NBPF15: variants seen among roughly 807,000 people sequenced by gnomAD.
The protein encoded by NBPF15 is NBPF family member NBPF15.
A neutral mutation model predicts 62.2 loss-of-function variants in NBPF15; 74 were observed. That is an observed-to-expected ratio of 1.19 (90% CI 0.99 to 1.44). The LOEUF is 1.44. NBPF15 is among the 40% of genes most tolerant of loss of function. The pLI, the probability that NBPF15 is intolerant of heterozygous loss-of-function variation, is 0.00. For missense variants in NBPF15, 790 were observed against 550.0 expected, an observed-to-expected ratio of 1.44 and a Z score of -4.36; for synonymous variants, 244 against 209.7, an observed-to-expected ratio of 1.16 and a Z score of -1.41.
intron 1 of NBPF15, 85 bp from the exon 2 acceptor site, chr1:144,461,046 C>G (rs1553548329): frequency 6.6e-6 from 1 of 150,776 alleles, no homozygotes; most frequent in African/African-American, 2.4e-5. Context: ...TCTCGCTTCT[C>G]AGGTCCCCAG....
chr1:144,445,722 T>C (rs1186590323), intron 6 of NBPF15, among the ~76,000 whole-genome samples: 9 of 151,604 alleles, frequency 5.9e-5, no homozygotes, highest in African/African-American at 2.2e-4. Flanking sequence ...AGAACTGACT[T>C]TTTAAACATA....
Position 144,439,931 on chromosome 1 carries a change from G to T in NBPF15, c.73C>A (p.Arg25Ser). 1.2e-6 allele frequency: 2 copies of T among 1,611,200 alleles called. No homozygotes were observed. The highest frequency in any genetic ancestry group is 1.1e-5 in the South Asian group (1 of 90,946). The change falls in exon 8 of 22, where the codon CGC becomes AGC. Residue 25 changes from arginine (R) to serine (S), a missense_variant. Coordinates refer to ENST00000581897, the MANE Select transcript of NBPF15 (RefSeq NM_001385408.1). ...TGTTTCTTCTCTGCCAACTGGGGGC[G>T]CAATTTCTCATTGATTTCTAGAATG... ...MNILEINEKLRPQLAEKKQQF... is the reference protein window; with the variant it reads ...MNILEINEKLSPQLAEKKQQF...
chr1:144,426,300 A>C lies in NBPF15; in HGVS notation c.1416T>G (p.Leu472=). 1.6e-6 allele frequency: 1 copy of C among 635,002 alleles called. No individual in the cohort carries two copies. Among genetic ancestry groups the C allele is most frequent in the Non-Finnish European group, 2.8e-6 (1 of 358,012 alleles). 39.3% of individuals were successfully genotyped at this position (635,002 alleles called of 1,614,324 possible). Residue 472 remains leucine (L), a synonymous_variant, in exon 18 of 22, where the codon CTT becomes CTG. Transcript: ENST00000581897. ...SAVYSLEEQY[L]GLALDVDRIK... is the part of the protein sequence containing the mutation. ...CACTGTCCACGTCAAGAGCCAAGCC[A>C]AGGTACTGTTCCTCCAATGAGTAAA...
chr1:144,459,763 C>T (rs1344121648), intron 2 of NBPF15, among the ~76,000 whole-genome samples: 11 of 151,662 alleles, frequency 7.3e-5, no homozygotes, highest in African/African-American at 2.4e-4. Flanking sequence ...AAAATGAAAT[C>T]ACACTGATAC....
chr1:144,448,124 C>A (rs1195236701), intron 6 of NBPF15, among the ~76,000 whole-genome samples: 1 of 152,042 alleles, frequency 6.6e-6, no homozygotes, highest in Non-Finnish European at 1.5e-5. Context: ...AAATTCTTCA[C>A]CACAACAATC....
At chr1:144,455,179 G>A (rs587662609) in intron 4 of NBPF15, among the ~76,000 whole-genome samples, 1 of 147,364 alleles carries the variant, frequency 6.8e-6, no homozygotes, top group East Asian at 2.0e-4. Context: ...GAGAGAGGAA[G>A]GGAGGAAGAA....
chr1:144,445,527 C>G (rs1478458997), intron 6 of NBPF15, among the ~76,000 whole-genome samples: 1 of 148,432 alleles, frequency 6.7e-6, no homozygotes. Context: ...ATTTTCATAG[C>G]TGTAGAGTAA....
At position 144,427,840 on chromosome 1, in the gene NBPF15, A is replaced by G; in HGVS notation, c.1191T>C (p.Val397=). ...CACCATCCATGTCAATAGCCAAGCC[A>G]ACACGCTGTTGCTCCAATACGTAAA... ...SAFYVLEQQR[V]GLAIDMDEIE... Residue 397 remains valine (V), a synonymous_variant, in exon 16 of 22, where the codon GTT becomes GTC. Coordinates refer to ENST00000581897, the MANE Select transcript of NBPF15 (RefSeq NM_001385408.1). 1 of 738,064 alleles carries G rather than the reference A, an allele frequency of 1.4e-6. No homozygotes were observed. The highest frequency in any genetic ancestry group is 2.5e-6 in the Non-Finnish European group (1 of 404,186). The allele number at this position is 738,064 out of a possible 1,614,324, so 45.7% of individuals were successfully genotyped here. A position where few individuals can be genotyped will look rare whatever the true frequency, so the allele number is the denominator to read the frequency against.
At chr1:144,426,711 G>C (rs1251280084) in intron 17 of NBPF15, among the ~76,000 whole-genome samples, 13 of 151,604 alleles carry the variant, frequency 8.6e-5, no homozygotes, top group Admixed American at 8.5e-4. Context: ...CTGATGAAGG[G>C]GTCAAAGGAC....
intron 15 of NBPF15, 80 bp from the exon 16 acceptor site, chr1:144,428,070 A>C (rs1180921671): frequency 1.3e-6 from 1 of 779,540 alleles, no homozygotes; most frequent in Non-Finnish European, 2.4e-6. Flanking sequence ...CATGGCTAAC[A>C]TAAGGAAGAG....
Position 144,439,862 on chromosome 1 carries a change from C to A in NBPF15, c.142G>T (p.Ala48Ser), listed in dbSNP as rs1441876280. 4.3e-6 allele frequency: 7 copies of A among 1,609,342 alleles called. No homozygotes were observed. The highest frequency in any genetic ancestry group is 1.7e-5 in the Admixed American group (1 of 59,884). The change falls in exon 8 of 22, where the codon GCC becomes TCC. Residue 48 changes from alanine (A) to serine (S), a missense_variant. Ala to Ser is a moderately conservative substitution (Grantham distance 99, BLOSUM62 1). Transcript: ENST00000581897. ...TTCTGTCGGTTGGCCAGGAAGCCGG[C>A]CAGTTGAGTTAGAAAACATTTCTCT... ...LKEKCFLTQL[A>S]GFLANRQKKY...
chr1:144,440,089 A>T, intron 7 of NBPF15, 51 bp from the exon 8 acceptor site: 2 of 1,578,420 alleles, frequency 1.3e-6, no homozygotes, highest in Non-Finnish European at 1.7e-6. Flanking sequence ...GGTGAAATCA[A>T]ATAGGTTTAA....
At chr1:144,431,604 T>C (rs1401317221) in intron 13 of NBPF15, among the ~76,000 whole-genome samples, 3 of 138,040 alleles carry the variant, frequency 2.2e-5, no homozygotes, top group African/African-American at 5.5e-5. Flanking sequence ...AACTCATCAT[T>C]TAACATTAGG....
In NBPF15 at chr1:144,458,334, C is replaced by T. The variant is rs587676263; in HGVS notation, c.-701+1032G>A. Reference sequence around the variant, plus strand: ...GAGTCAAGACTGTAGCTCTGTGAGGCTCAAATAACATCTAATTCAAGTCAC... The same window carrying T: ...GAGTCAAGACTGTAGCTCTGTGAGGTTCAAATAACATCTAATTCAAGTCAC... On this transcript the variant is annotated intron_variant, in intron 3 of 21. Transcript: ENST00000581897. 2.3e-3 allele frequency among the ~76,000 whole-genome samples: 352 copies of T among 151,804 alleles called. 3 individuals are homozygous for T. Among genetic ancestry groups the T allele is most frequent in the African/African-American group, 8.3e-3 (342 of 41,352 alleles).
chr1:144,461,275 A>C (rs1652820337), intron 1 of NBPF15, 106 bp downstream of exon 1: 1 of 151,860 alleles, frequency 6.6e-6, no homozygotes, highest in African/African-American at 2.4e-5. Context: ...GGGCCGGAAC[A>C]CACGCCCTCC....
At position 144,431,095 on chromosome 1, in the gene NBPF15, T is replaced by A. The variant is rs1285931267; in HGVS notation, c.825-1232A>T. Among the ~76,000 whole-genome samples the A allele has an allele frequency of 8.8e-4, 133 of 151,536 alleles. 1 individual carries two copies. The highest frequency in any genetic ancestry group is 1.7e-3 in the Non-Finnish European group (115 of 67,830). On this transcript the variant is annotated intron_variant, in intron 13 of 21. Coordinates refer to ENST00000581897, the MANE Select transcript of NBPF15 (RefSeq NM_001385408.1). Reference sequence around the variant, plus strand: ...CTATGTGGAAAGACCAAATCTACGTTTGATTGGTGTACTGAAAGTGACGGG... The same window carrying A: ...CTATGTGGAAAGACCAAATCTACGTATGATTGGTGTACTGAAAGTGACGGG...
At chr1:144,424,159 A>T (rs1667849190) in intron 20 of NBPF15, among the ~76,000 whole-genome samples, 184 bp from the exon 21 acceptor site, 1 of 152,070 alleles carries the variant, frequency 6.6e-6, no homozygotes, top group South Asian at 2.1e-4. Flanking sequence ...TTTCTCCCAG[A>T]AACTGTGGGT....
rs1553539762 is a variant in NBPF15 at position 144,428,612 on chromosome 1, C to T, written c.1034G>A (p.Gly345Asp). 1 of 848,472 alleles carries T rather than the reference C, an allele frequency of 1.2e-6. No individual in the cohort carries two copies. The highest frequency in any genetic ancestry group is 2.0e-6 in the Non-Finnish European group (1 of 492,368). 52.6% of individuals were successfully genotyped at this position (848,472 alleles called of 1,614,324 possible). A position where few individuals can be genotyped will look rare whatever the true frequency, so the allele number is the denominator to read the frequency against. ...QVKKEDQEATGPRLSRELLDE... is the reference protein window; with the variant it reads ...QVKKEDQEATDPRLSRELLDE... ...CACAATTTCTCAGACTCACCTGGGA[C>T]CTGTTGCCTCTTGGTCCTCCTTTTT... The change falls in exon 15 of 22, where the codon GGT (glycine) becomes GAT (aspartate). Residue 345 changes from glycine to aspartate, a missense_variant. Physicochemically the swap from Gly to Asp is moderately conservative, Grantham distance 94 (BLOSUM62 -1). Transcript: ENST00000581897.
intron 14 of NBPF15, among the ~76,000 whole-genome samples, chr1:144,428,866 T>A (rs1309144226): frequency 1.3e-5 from 2 of 151,928 alleles, no homozygotes; most frequent in Non-Finnish European, 2.9e-5. Flanking sequence ...ATTCCCCTGT[T>A]TTGGAATGTT....
Sources: gnomAD v4.1 joint callset for allele counts (sites outside exome capture counted in the v4.1 genomes callset) on GRCh38, gnomAD v4.1.1 for gene constraint, MANE v1.5 for transcripts, NCBI Gene and HGNC (gene_info 2026-07-23, HGNC 2026-07-21) for gene names.